The following PLPPR1 variants were observed in gnomAD, a reference collection of about 807,000 sequenced individuals.
The protein encoded by PLPPR1 is phospholipid phosphatase-related protein type 1.
PLPPR1 carries 10 observed loss-of-function variants against 33.1 expected under a neutral mutation model. The ratio of observed to expected loss-of-function variants is 0.30; its 90% CI spans 0.19 to 0.51. PLPPR1 has a LOEUF of 0.51. PLPPR1 is among the 20% of genes least tolerant of loss of function. The pLI is 0.97. For missense variants in PLPPR1, 304 were observed against 408.1 expected (o/e 0.74, Z 2.20); for synonymous variants, 151 against 151.0 (o/e 1.00, Z 0.00).
rs749356264 is a variant in PLPPR1 at position 101,324,108 on chromosome 9, A to T, written c.*51A>T. On this transcript the variant is annotated 3_prime_UTR_variant, in exon 8 of 8. Transcript: ENST00000374874. ...TTTTAAAATCATCTTCCAATTCTATACTTCAAAACACACAGTTGCTCAATG... is the reference window on the plus strand; with the variant it reads ...TTTTAAAATCATCTTCCAATTCTATTCTTCAAAACACACAGTTGCTCAATG... The T allele has an allele frequency of 6.9e-7, 1 of 1,450,388 alleles. No homozygotes were observed. The highest frequency in any genetic ancestry group is 1.7e-4 in the Middle Eastern group (1 of 5,718). The allele number at this position is 1,450,388 out of a possible 1,614,324, so 89.8% of individuals were successfully genotyped here.
At chr9:101,050,298 AC>A in intron 1 of PLPPR1, among the ~76,000 whole-genome samples, 1 of 152,204 alleles carries the variant, frequency 6.6e-6, no homozygotes, top group Non-Finnish European at 1.5e-5. Flanking sequence ...TGGAAAAAAA[AC>A]AAAAAGATGT....
At chr9:101,074,354 A>G (rs1014433516) in intron 1 of PLPPR1, among the ~76,000 whole-genome samples, 5 of 152,132 alleles carry the variant, frequency 3.3e-5, no homozygotes, top group East Asian at 3.9e-4. Context: ...ATTTAAACTC[A>G]CCAATTTTTC....
intron 1 of PLPPR1, among the ~76,000 whole-genome samples, chr9:101,169,041 G>A (rs897560893): frequency 1.3e-4 from 20 of 152,240 alleles, no homozygotes; most frequent in South Asian, 4.2e-4. Flanking sequence ...ATACAAATAC[G>A]TAAGTATGCT....
At chr9:101,274,648 C>T (rs771378626) in intron 3 of PLPPR1, among the ~76,000 whole-genome samples, 3 of 152,160 alleles carry the variant, frequency 2.0e-5, no homozygotes, top group Non-Finnish European at 2.9e-5. Flanking sequence ...CAAGGAGTTG[C>T]ATTCACTTCT....
chr9:101,238,095 C>CAT (rs1176303196), intron 2 of PLPPR1, among the ~76,000 whole-genome samples: 25 of 132,732 alleles, frequency 1.9e-4, no homozygotes, highest in Admixed American at 1.8e-3. Context: ...CATATACATA[C>CAT]ATATATATAG....
At chr9:101,197,629 T>G (rs1826421793) in intron 2 of PLPPR1, among the ~76,000 whole-genome samples, 1 of 152,202 alleles carries the variant, frequency 6.6e-6, no homozygotes. Context: ...GCCTATCAAG[T>G]GTATGCCTAT....
chr9:101,313,427 A>G (rs7855523), intron 6 of PLPPR1, among the ~76,000 whole-genome samples: 111,792 of 151,726 alleles, frequency 0.74, 42,476 homozygotes, highest in East Asian at 0.99. Flanking sequence ...CTCAACTCTA[A>G]TTCCAAAGTT....
chr9:101,109,968 C>T (rs185050731), intron 1 of PLPPR1, among the ~76,000 whole-genome samples: 156 of 152,286 alleles, frequency 1.0e-3, no homozygotes, highest in Non-Finnish European at 1.5e-3. Flanking sequence ...GGGGATGCTT[C>T]TGTTCAATAA....
intron 5 of PLPPR1, among the ~76,000 whole-genome samples, chr9:101,311,320 A>G (rs894360107): frequency 1.3e-5 from 2 of 152,220 alleles, no homozygotes; most frequent in Non-Finnish European, 2.9e-5. Flanking sequence ...CACAGACTAT[A>G]GTCAGATAAA....
At chr9:101,222,283 G>A (rs1448335457) in intron 2 of PLPPR1, among the ~76,000 whole-genome samples, 1 of 152,170 alleles carries the variant, frequency 6.6e-6, no homozygotes, top group African/African-American at 2.4e-5. Flanking sequence ...ATACACACCA[G>A]CATGCTTTTT....
At chr9:101,164,386 A>T in intron 1 of PLPPR1, among the ~76,000 whole-genome samples, 1 of 145,044 alleles carries the variant, frequency 6.9e-6, no homozygotes. Flanking sequence ...TTTCTGAGAC[A>T]GTGTCTTGCT....
At chr9:101,150,798 G>T (rs1184230458) in intron 1 of PLPPR1, among the ~76,000 whole-genome samples, 1 of 151,934 alleles carries the variant, frequency 6.6e-6, no homozygotes, top group Admixed American at 6.6e-5. Flanking sequence ...GATCTGTCAG[G>T]ATATGACCTG....
chr9:101,209,326 A>G (rs1200940874), intron 2 of PLPPR1, among the ~76,000 whole-genome samples: 1 of 152,220 alleles, frequency 6.6e-6, no homozygotes, highest in African/African-American at 2.4e-5. Context: ...AAAGAGGTGG[A>G]CTTTTTCCTC....
At chr9:101,298,952 C>A (rs144241163) in intron 4 of PLPPR1, among the ~76,000 whole-genome samples, 98 of 152,254 alleles carry the variant, frequency 6.4e-4, no homozygotes, top group African/African-American at 2.2e-3. Flanking sequence ...GCAATCAAGA[C>A]AGGGATGATC....
chr9:101,205,523 C>T (rs1826572776), intron 2 of PLPPR1, among the ~76,000 whole-genome samples: 1 of 152,058 alleles, frequency 6.6e-6, no homozygotes, highest in South Asian at 2.1e-4. Context: ...ATCTGAAAGT[C>T]GTTGTTATTT....
At chr9:101,130,328 G>A (rs992703228) in intron 1 of PLPPR1, among the ~76,000 whole-genome samples, 2 of 152,088 alleles carry the variant, frequency 1.3e-5, no homozygotes, top group Non-Finnish European at 2.9e-5. Context: ...GGGCATTCAG[G>A]TCAGACAGAG....
chr9:101,290,964 A>T (rs375878044), intron 4 of PLPPR1, among the ~76,000 whole-genome samples: 2 of 152,238 alleles, frequency 1.3e-5, no homozygotes, highest in East Asian at 3.9e-4. Context: ...ACCAAGCGCG[A>T]GCCAAAGTAG....
At chr9:101,187,970 T>C (rs1312166950) in intron 2 of PLPPR1, 1 of 152,058 alleles carries the variant, frequency 6.6e-6, no homozygotes, top group East Asian at 1.9e-4. Context: ...TTTTCCTACA[T>C]ATGTATATAT....
In PLPPR1 at chr9:101,077,514, A is replaced by C. The variant is rs530005142; in HGVS notation, c.-46+48412A>C. ...AAATAGTGCTAATTAAGTTACCTGAAGCCTGTAACTGACTGTCTTAGGTCA... is the reference window on the plus strand; with the variant it reads ...AAATAGTGCTAATTAAGTTACCTGACGCCTGTAACTGACTGTCTTAGGTCA... On this transcript the variant is annotated intron_variant, in intron 1 of 7. Transcript: ENST00000374874. Among the ~76,000 whole-genome samples, 4 of 152,332 alleles carry C rather than the reference A, an allele frequency of 2.6e-5. No homozygotes were observed. The South Asian group carries it at 8.3e-4, about 32-fold the overall frequency.
Sources: gnomAD v4.1 joint callset for allele counts (sites outside exome capture counted in the v4.1 genomes callset) on GRCh38, gnomAD v4.1.1 for gene constraint, MANE v1.5 for transcripts, NCBI Gene and HGNC (gene_info 2026-07-23, HGNC 2026-07-21) for gene names.